Variants in THTPA observed in about 807,000 individuals in gnomAD.
The protein encoded by THTPA is thiamine triphosphatase, also known as thiamine-triphosphatase.
Under a neutral mutation model 16.5 loss-of-function variants are expected in THTPA, and 16 were observed. The observed-to-expected ratio is 0.97, with a 90% CI of 0.66 to 1.47. The LOEUF (loss-of-function observed/expected upper bound fraction) is 1.47. THTPA is among the 40% of genes most tolerant of loss of function. The probability of loss-of-function intolerance (pLI) is 0.00; values close to 1 mark genes in which losing one functional copy is unlikely to be tolerated. For missense variants in THTPA, 281 were observed against 280.9 expected (o/e 1.00, Z 0.00); for synonymous variants, 110 against 115.5 (o/e 0.95, Z 0.30).
At position 23,556,869 on chromosome 14, in the gene THTPA, A is replaced by G. The variant is rs1284125420; in HGVS notation, c.112A>G (p.Thr38Ala). The G allele has an allele frequency of 4.3e-6, 7 of 1,613,274 alleles. No individual in the cohort carries two copies. Among genetic ancestry groups the G allele is most frequent in the Non-Finnish European group, 5.1e-6 (6 of 1,179,688 alleles). ...TLEYRVTFRD[T>A]YYDTPELSLM... ...GGAGTACCGGGTCACCTTCCGAGAC[A>G]CCTACTATGACACCCCTGAGCTGAG... Residue 38 changes from threonine to alanine, a missense_variant, in exon 1 of 2, where the codon ACC becomes GCC. Physicochemically the swap from Thr to Ala is moderately conservative, Grantham distance 58. Transcript: ENST00000288014.
chr14:23,525,074 C>T, the THTPA span: 1 of 1,536,176 alleles, frequency 6.5e-7, no homozygotes. The surrounding 1 kb of genome is among the most constrained non-coding windows in gnomAD (Gnocchi z 5.9). Flanking sequence ...CTCCACCTCT[C>T]CGTCTTTGGG....
At chr14:23,533,965 T>C in the THTPA span, 2 of 1,537,730 alleles carry the variant, frequency 1.3e-6, no homozygotes, top group Non-Finnish European at 1.7e-6. This position sits in a 1 kb window ranked among gnomAD's most constrained non-coding sequence, Gnocchi z 4.8. Flanking sequence ...CTTGGGACAC[T>C]TGAGTGTCTT....
At chr14:23,555,532 A>G (rs535826880), upstream of THTPA, among the ~76,000 whole-genome samples, 2 of 152,204 alleles carry the variant, frequency 1.3e-5, no homozygotes, top group South Asian at 4.1e-4. Flanking sequence ...TCATATCTTT[A>G]GTTCCTGGCC....
At chr14:23,537,316 T>C in the THTPA span, among the ~76,000 whole-genome samples, 4 of 152,036 alleles carry the variant, frequency 2.6e-5, no homozygotes, top group East Asian at 1.9e-4. Flanking sequence ...AAGGTCCCAG[T>C]TGGCCCATCT....
chr14:23,544,915 A>C, the THTPA span, among the ~76,000 whole-genome samples: 1 of 143,642 alleles, frequency 7.0e-6, no homozygotes, highest in African/African-American at 2.6e-5. Context: ...CCTGTCCCCC[A>C]TTGTTCTTTT....
intron 1 of THTPA, 124 bp downstream of exon 1, chr14:23,557,428 G>T: frequency 9.6e-7 from 1 of 1,046,880 alleles, no homozygotes; most frequent in Non-Finnish European, 1.3e-6. Context: ...TAGAGACAAG[G>T]TTTTGCCGTG....
chr14:23,539,567 A>G, the THTPA span, among the ~76,000 whole-genome samples: 2 of 152,326 alleles, frequency 1.3e-5, no homozygotes, highest in East Asian at 1.9e-4. Context: ...GACAAAGGGC[A>G]TGGGCAAAGG....
chr14:23,522,982 T>C, the THTPA span: 3 of 1,427,064 alleles, frequency 2.1e-6, no homozygotes, highest in East Asian at 5.1e-5. Context: ...AGCCATCTCC[T>C]GTCCCATCAT....
the THTPA span, chr14:23,523,492 A>G: frequency 6.5e-7 from 1 of 1,536,304 alleles, no homozygotes; most frequent in Non-Finnish European, 8.7e-7. The surrounding 1 kb of genome is among the most constrained non-coding windows in gnomAD (Gnocchi z 4.1). Flanking sequence ...TGACATCACA[A>G]TAGGGGCAGT....
the THTPA span, chr14:23,532,868 A>C: frequency 6.5e-7 from 1 of 1,536,100 alleles, no homozygotes; most frequent in South Asian, 1.2e-5. Context: ...GTCACCAGCC[A>C]CCTCCTTCCA....
the THTPA span, chr14:23,522,048 C>T: frequency 5.2e-6 from 8 of 1,536,304 alleles, no homozygotes; most frequent in Non-Finnish European, 6.1e-6. Flanking sequence ...GCAAAAGCCA[C>T]AGCAGCCGAG....
upstream of THTPA, among the ~76,000 whole-genome samples, chr14:23,554,900 T>C (rs1233496317): frequency 6.6e-6 from 1 of 152,188 alleles, no homozygotes; most frequent in African/African-American, 2.4e-5. Context: ...CAGATAACCA[T>C]AGTCCTCAGA....
rs750881245 is a variant in THTPA, at chr14:23,558,700, C to T, written c.553C>T (p.Pro185Ser). ...IHRLSSMLGV[P>S]AQETAPAKLI... Reference sequence around the variant, plus strand: ...CATTGTCCTTTTACCTGTAGGTGTGCCTGCACAGGAGACAGCACCAGCCAA... The same window carrying T: ...CATTGTCCTTTTACCTGTAGGTGTGTCTGCACAGGAGACAGCACCAGCCAA... The change falls in exon 2 of 2, where the codon CCT becomes TCT. Residue 185 changes from proline (P) to serine (S), a missense_variant. Coordinates refer to ENST00000288014, the MANE Select transcript of THTPA (RefSeq NM_024328.6). 23 of 1,614,168 alleles carry T rather than the reference C, an allele frequency of 1.4e-5. No homozygotes were observed. The African/African-American group carries it at 2.9e-4, about 21-fold the overall frequency.
the THTPA span, chr14:23,531,796 T>C: frequency 8.0e-6 from 10 of 1,250,784 alleles, no homozygotes; most frequent in Non-Finnish European, 1.0e-5. Context: ...TTTTTTTTTC[T>C]AGAGAGAGTC....
chr14:23,555,184 C>CG (rs372914214), upstream of THTPA, among the ~76,000 whole-genome samples: 1,709 of 151,834 alleles, frequency 0.011, 24 homozygotes, highest in African/African-American at 0.034. Context: ...GACGGCGGGC[C>CG]GGGGGGGTTT....
chr14:23,544,602 T>A, the THTPA span, among the ~76,000 whole-genome samples: 1 of 152,188 alleles, frequency 6.6e-6, no homozygotes, highest in African/African-American at 2.4e-5. Flanking sequence ...GGGTATCCTG[T>A]TCAGTGTGTT....
At chr14:23,552,652 A>G (rs1053615336), upstream of THTPA, among the ~76,000 whole-genome samples, 1 of 151,764 alleles carries the variant, frequency 6.6e-6, no homozygotes, top group Non-Finnish European at 1.5e-5. Flanking sequence ...CCCAGGCTGC[A>G]GTGCAGTGGC....
chr14:23,525,476 A>G, the THTPA span: 1 of 1,535,778 alleles, frequency 6.5e-7, no homozygotes, highest in Admixed American at 2.0e-5. This position sits in a 1 kb window ranked among gnomAD's most constrained non-coding sequence, Gnocchi z 5.9. Flanking sequence ...CATATTGGAG[A>G]AGAGTTTCCC....
the THTPA span, chr14:23,524,479 G>A: frequency 6.5e-7 from 1 of 1,532,302 alleles, no homozygotes; most frequent in South Asian, 1.2e-5. This position sits in a 1 kb window ranked among gnomAD's most constrained non-coding sequence, Gnocchi z 5.6. Flanking sequence ...TTGGTGAGGT[G>A]GCTGCCACCA....
Sources: allele counts gnomAD v4.1 joint callset (sites outside exome capture counted in the v4.1 genomes callset), GRCh38; gene constraint gnomAD v4.1.1; non-coding constraint Gnocchi (gnomAD v3.1); transcripts MANE v1.5; gene names NCBI Gene and HGNC (gene_info 2026-07-23, HGNC 2026-07-21).